Variants in BET1 observed in about 807,000 individuals in gnomAD.
BET1 encodes the protein Bet1 golgi vesicular membrane trafficking protein, also known as BET1 homolog.
In BET1, 9 loss-of-function variants were observed where a neutral mutation model predicts 13.9. That is an observed-to-expected ratio of 0.65 (90% CI 0.39 to 1.13). The LOEUF (loss-of-function observed/expected upper bound fraction) is 1.13. BET1 is among the 50% of genes most tolerant of loss of function. The pLI is 0.01. For missense variants in BET1, 127 were observed against 133.6 expected, an observed-to-expected ratio of 0.95 and a Z score of 0.24; for synonymous variants, 39 against 47.3, an observed-to-expected ratio of 0.82 and a Z score of 0.72.
intron 2 of BET1, 95 bp from the exon 3 acceptor site, chr7:93,996,416 G>T (rs1388067027): frequency 9.4e-6 from 8 of 852,594 alleles, no homozygotes; most frequent in Non-Finnish European, 1.4e-5. Flanking sequence ...CACATTTTCT[G>T]AAATGAAACG....
intron 6 of BET1, among the ~76,000 whole-genome samples, chr7:93,965,961 C>T (rs1000438265): frequency 6.6e-6 from 1 of 151,966 alleles, no homozygotes; most frequent in African/African-American, 2.4e-5. Flanking sequence ...GAGTAGACTG[C>T]TCCCACCACT....
chr7:93,995,010 A>T (rs1453727442), intron 3 of BET1, among the ~76,000 whole-genome samples: 1 of 151,904 alleles, frequency 6.6e-6, no homozygotes, highest in African/African-American at 2.4e-5. Flanking sequence ...CGCCCAGCTA[A>T]TTTTTTTGTA....
At position 93,999,305 on chromosome 7, in the gene BET1, CAG is replaced by C. The variant is rs373071449; in HGVS notation, c.20-13_20-12del. ...GAGGTACTCCTTCACCTGCAAGGAT[CAG>C]AGTCACAAAGGTGGTTCTAGAGAAG... On this transcript the variant is annotated splice_polypyrimidine_tract_variant and intron_variant, in intron 1 of 3. Transcript: ENST00000222547. 6.3e-5 allele frequency: 101 copies of C among 1,599,636 alleles called. 2 individuals carry two copies. Among genetic ancestry groups the C allele is most frequent in the East Asian group, 3.8e-4 (17 of 44,522 alleles).
In BET1 at chr7:94,004,322, C is replaced by A. The variant is rs1562811066; in HGVS notation, c.-106G>T. On this transcript the variant is annotated 5_prime_UTR_variant, in exon 1 of 4. Coordinates refer to ENST00000222547, the MANE Select transcript of BET1 (RefSeq NM_005868.6). ...TTCAGTACCAGGGCCCAGCGAAACA[C>A]CAACTTCTTCCCCTAAAGCGCCACG... 6.8e-7 allele frequency: 1 copy of A among 1,465,618 alleles called. No individual in the cohort carries two copies. Among genetic ancestry groups the A allele is most frequent in the South Asian group, 1.1e-5 (1 of 87,708 alleles). 90.8% of individuals were successfully genotyped at this position (1,465,618 alleles called of 1,614,324 possible). A position where few individuals can be genotyped will look rare whatever the true frequency, so the allele number is the denominator to read the frequency against.
Sources: gnomAD v4.1 joint callset for allele counts (sites outside exome capture counted in the v4.1 genomes callset) on GRCh38, gnomAD v4.1.1 for gene constraint, MANE v1.5 for transcripts, NCBI Gene and HGNC (gene_info 2026-07-23, HGNC 2026-07-21) for gene names.